MOSMO: variants seen among roughly 807,000 people sequenced by gnomAD.
MOSMO encodes modulator of smoothened, also known as modulator of smoothened protein.
MOSMO carries 5 observed loss-of-function variants against 18.4 expected under a neutral mutation model. The observed-to-expected ratio is 0.27, with a 90% CI of 0.14 to 0.57. The LOEUF is 0.57. MOSMO is among the 20% of genes least tolerant of loss of function. The pLI is 0.92. For missense variants in MOSMO, 138 were observed against 211.8 expected (o/e 0.65, Z 2.16); for synonymous variants, 82 against 82.3 (o/e 1.00, Z 0.02).
chr16:22,013,890 GA>G (rs921597642), intron 1 of MOSMO, among the ~76,000 whole-genome samples: 6 of 148,664 alleles, frequency 4.0e-5, no homozygotes, highest in Non-Finnish European at 7.4e-5. Flanking sequence ...TGGGGGGGGG[GA>G]ATCTCAAAAA....
chr16:22,071,624 T>C (rs995044555), intron 1 of MOSMO, among the ~76,000 whole-genome samples: 3 of 152,234 alleles, frequency 2.0e-5, no homozygotes, highest in African/African-American at 4.8e-5. Flanking sequence ...AGGATGACTT[T>C]CCTTTTGTGT....
At chr16:22,042,135 A>G (rs1900222104) in intron 1 of MOSMO, among the ~76,000 whole-genome samples, 1 of 152,110 alleles carries the variant, frequency 6.6e-6, no homozygotes, top group Non-Finnish European at 1.5e-5. Context: ...TTGAGTGGGA[A>G]GAAAGGTTAT....
chr16:22,009,082 A>G (rs1899460660), intron 1 of MOSMO, among the ~76,000 whole-genome samples: 1 of 152,096 alleles, frequency 6.6e-6, no homozygotes, highest in South Asian at 2.1e-4. Flanking sequence ...GCCCCCGCCC[A>G]TCCCCTGCCC....
intron 1 of MOSMO, among the ~76,000 whole-genome samples, chr16:22,066,663 C>T (rs1251255868): frequency 6.6e-6 from 1 of 152,172 alleles, no homozygotes; most frequent in East Asian, 1.9e-4. Flanking sequence ...TAACCATTAG[C>T]TGACTACTAA....
intron 1 of MOSMO, among the ~76,000 whole-genome samples, chr16:22,035,668 C>T (rs1431414386): frequency 1.3e-5 from 2 of 152,104 alleles, no homozygotes; most frequent in African/African-American, 2.4e-5. Context: ...TTGCAGGCAG[C>T]GGTTTGCCCT....
At chr16:22,019,489 G>A (rs1201332813) in intron 1 of MOSMO, among the ~76,000 whole-genome samples, 1 of 152,134 alleles carries the variant, frequency 6.6e-6, no homozygotes, top group Admixed American at 6.5e-5. Context: ...TAGCATATCT[G>A]TGTCATGGTT....
rs1451432439 is a variant in MOSMO at position 22,083,348 on chromosome 16, A to G, written c.*2468A>G. The G allele has an allele frequency of 5.5e-6, 1 of 183,344 alleles. No homozygotes were observed. Among genetic ancestry groups the G allele is most frequent in the Non-Finnish European group, 1.1e-5 (1 of 88,790 alleles). The allele number at this position is 183,344 out of a possible 1,614,324, so 11.4% of individuals were successfully genotyped here. A position where few individuals can be genotyped will look rare whatever the true frequency, so the allele number is the denominator to read the frequency against. On this transcript the variant is annotated 3_prime_UTR_variant, in exon 3 of 3. Transcript: ENST00000542527. ...CATTGTTGTCTTGGAGGTCCAGTGC[A>G]TACAGGGCTGATGGGGGAAAACTCC...
chr16:22,026,311 C>T (rs1046361485), intron 1 of MOSMO, among the ~76,000 whole-genome samples: 12 of 151,114 alleles, frequency 7.9e-5, no homozygotes, highest in Admixed American at 1.3e-4. Flanking sequence ...CTCCACCTTC[C>T]GGGTTGCAGT....
rs1049818514 is a variant in MOSMO, at chr16:22,066,262, A to G, written c.107-9225A>G. On this transcript the variant is annotated intron_variant, in intron 1 of 2. Transcript: ENST00000542527. ...TCAGATTCAGAGTTTGCTCTGTTCT[A>G]TTCCTAGGCATTTGTTAAAAACAGT... 1.1e-3 allele frequency among the ~76,000 whole-genome samples: 5 copies of G among 4,542 alleles called. No homozygotes were observed. In the Non-Finnish European group the frequency reaches 0.012, roughly 11 times the overall value. The allele number at this position is 4,542 out of a possible 152,430, so 3.0% of individuals were successfully genotyped here.
At chr16:22,052,617 A>G (rs1900448538) in intron 1 of MOSMO, among the ~76,000 whole-genome samples, 3 of 152,226 alleles carry the variant, frequency 2.0e-5, no homozygotes, top group Admixed American at 1.3e-4. Context: ...ATCTGTGTCC[A>G]GAGTAGAATA....
rs534156625 is a variant in MOSMO at position 22,017,276 on chromosome 16, G to A, written c.106+8869G>A. On this transcript the variant is annotated intron_variant, in intron 1 of 2. Transcript: ENST00000542527. Reference sequence around the variant, plus strand: ...ATGCATAATTATTTACATAGTGACCGTGTTTGATATGCTTCTCTAAGAGAC... The same window carrying A: ...ATGCATAATTATTTACATAGTGACCATGTTTGATATGCTTCTCTAAGAGAC... Among the ~76,000 whole-genome samples, 204 of 152,236 alleles carry A rather than the reference G, an allele frequency of 1.3e-3. 2 individuals are homozygous for A. Among genetic ancestry groups the A allele is most frequent in the East Asian group, 3.9e-4 (2 of 5,186 alleles).
At chr16:22,072,723 A>T (rs1393706079) in intron 1 of MOSMO, among the ~76,000 whole-genome samples, 1 of 151,962 alleles carries the variant, frequency 6.6e-6, no homozygotes. Context: ...GAGGCAGGAG[A>T]ATGGCGTGAA....
At chr16:22,053,238 C>T (rs1017688161) in intron 1 of MOSMO, among the ~76,000 whole-genome samples, 4 of 151,926 alleles carry the variant, frequency 2.6e-5, no homozygotes, top group Admixed American at 1.3e-4. Flanking sequence ...GCTGGGATTA[C>T]AGGCATGAGC....
chr16:22,054,471 T>C (rs1312437486), intron 1 of MOSMO, among the ~76,000 whole-genome samples: 1 of 152,184 alleles, frequency 6.6e-6, no homozygotes, highest in Non-Finnish European at 1.5e-5. Context: ...TTCCATGGAA[T>C]ATAATTTATC....
At chr16:22,088,254 A>T (rs574457210), downstream of MOSMO, among the ~76,000 whole-genome samples, 3 of 152,148 alleles carry the variant, frequency 2.0e-5, no homozygotes, top group Admixed American at 2.0e-4. Context: ...GTCGTCTCCC[A>T]GTCTCCTCCT....
chr16:22,045,259 A>C (rs867102639), intron 1 of MOSMO, among the ~76,000 whole-genome samples: 2 of 152,134 alleles, frequency 1.3e-5, no homozygotes, highest in Non-Finnish European at 2.9e-5. Flanking sequence ...TCTTATACAC[A>C]ATCAAGATTC....
chr16:22,030,792 G>A (rs1899977996), intron 1 of MOSMO, among the ~76,000 whole-genome samples: 1 of 152,176 alleles, frequency 6.6e-6, no homozygotes, highest in Non-Finnish European at 1.5e-5. Context: ...GCCTCCCAAA[G>A]TGCTGGGATT....
chr16:22,028,770 T>C (rs952131259), intron 1 of MOSMO, among the ~76,000 whole-genome samples: 2 of 152,228 alleles, frequency 1.3e-5, no homozygotes, highest in African/African-American at 4.8e-5. Flanking sequence ...TGTTTTATGT[T>C]CTCCCATGTT....
intron 1 of MOSMO, among the ~76,000 whole-genome samples, chr16:22,013,877 G>C (rs1044818760): frequency 6.7e-6 from 1 of 148,984 alleles, no homozygotes; most frequent in South Asian, 2.2e-4. Flanking sequence ...GGATGTTACT[G>C]TTTGGGGGGG....
Sources: allele counts gnomAD v4.1 joint callset (sites outside exome capture counted in the v4.1 genomes callset), GRCh38; gene constraint gnomAD v4.1.1; transcripts MANE v1.5; gene names NCBI Gene and HGNC (gene_info 2026-07-23, HGNC 2026-07-21).